The following PKP4 variants were observed in gnomAD, a reference collection of about 807,000 sequenced individuals.
PKP4 encodes the protein plakophilin-4.
A neutral mutation model predicts 145.1 loss-of-function variants in PKP4; 90 were observed. The ratio of observed to expected loss-of-function variants is 0.62; its 90% CI spans 0.52 to 0.74. The LOEUF (loss-of-function observed/expected upper bound fraction) is 0.74. PKP4 is among the 30% of genes least tolerant of loss of function. The pLI is 0.00. For synonymous variants in PKP4, 563 were observed against 577.2 expected, an observed-to-expected ratio of 0.98 and a Z score of 0.35; for missense variants, 1,340 against 1,482.7, an observed-to-expected ratio of 0.90 and a Z score of 1.58.
chr2:158,627,700 G>A (rs1393386291), intron 7 of PKP4, among the ~76,000 whole-genome samples: 9 of 150,316 alleles, frequency 6.0e-5, no homozygotes, highest in South Asian at 2.1e-4. Flanking sequence ...ATCATGGCAT[G>A]TAAAGAAAAC....
chr2:158,585,253 A>T (rs2048705520), intron 3 of PKP4, among the ~76,000 whole-genome samples: 2 of 152,272 alleles, frequency 1.3e-5, no homozygotes, highest in South Asian at 4.1e-4. Flanking sequence ...TCTTCCCAAG[A>T]TTATCTCCCC....
At chr2:158,639,036 C>T (rs1201349312) in intron 9 of PKP4, among the ~76,000 whole-genome samples, 1 of 152,196 alleles carries the variant, frequency 6.6e-6, no homozygotes, top group East Asian at 1.9e-4. Context: ...TTTCACTAAC[C>T]TCTATCACTA....
chr2:158,677,044 G>A (rs1435963531), intron 20 of PKP4, 177 bp downstream of exon 20: 2 of 732,774 alleles, frequency 2.7e-6, no homozygotes, highest in African/African-American at 1.7e-5. Flanking sequence ...CTTGTTTAAA[G>A]TAAAACAAGC....
intron 1 of PKP4, among the ~76,000 whole-genome samples, chr2:158,515,311 T>G (rs1197569446): frequency 1.3e-5 from 2 of 152,158 alleles, no homozygotes; most frequent in African/African-American, 4.8e-5. Context: ...TTCATTTACT[T>G]TCAAACTAAG....
intron 11 of PKP4, among the ~76,000 whole-genome samples, chr2:158,648,860 G>A (rs538455682): frequency 6.6e-6 from 1 of 150,896 alleles, no homozygotes; most frequent in Non-Finnish European, 1.5e-5. Context: ...TTAGCCAGGT[G>A]TGGTGGCACA....
chr2:158,586,996 T>A (rs1195035250), intron 3 of PKP4, among the ~76,000 whole-genome samples: 2 of 152,312 alleles, frequency 1.3e-5, no homozygotes, highest in South Asian at 2.1e-4. Flanking sequence ...ATATCTTTTA[T>A]GAGTAATAGA....
chr2:158,668,617 A>C (rs1424997047), intron 16 of PKP4, among the ~76,000 whole-genome samples: 1 of 152,222 alleles, frequency 6.6e-6, no homozygotes, highest in African/African-American at 2.4e-5. Flanking sequence ...CCTTTTGGTC[A>C]TTCATGAGTA....
In PKP4 at chr2:158,615,011, CA is replaced by C. The variant is rs573282430; in HGVS notation, c.281-5967del. ...TGTGGCTTTATCTTAGTATATTTTA[CA>C]AAAAAAAAAAATAACTAGTGGAAAA... On this transcript the variant is annotated intron_variant, in intron 4 of 21. Transcript: ENST00000389759. Among the ~76,000 whole-genome samples, 1,015 of 128,234 alleles carry C rather than the reference CA, an allele frequency of 7.9e-3. 1 individual carries two copies. Among genetic ancestry groups the C allele is most frequent in the Middle Eastern group, 0.022 (5 of 226 alleles). The allele number at this position is 128,234 out of a possible 152,430, so 84.1% of individuals were successfully genotyped here.
intron 1 of PKP4, among the ~76,000 whole-genome samples, chr2:158,517,915 C>CAA (rs554303563): frequency 2.9e-5 from 4 of 136,770 alleles, no homozygotes; most frequent in African/African-American, 1.1e-4. Flanking sequence ...GACCCTGTCT[C>CAA]AAAAAAAAAA....
intron 3 of PKP4, among the ~76,000 whole-genome samples, chr2:158,591,565 G>T (rs2049279963): frequency 6.6e-6 from 1 of 151,940 alleles, no homozygotes; most frequent in Admixed American, 6.6e-5. Context: ...TATTTTAAAT[G>T]TTGCATAACA....
chr2:158,672,322 C>T (rs1157448314), intron 17 of PKP4, among the ~76,000 whole-genome samples: 1 of 152,196 alleles, frequency 6.6e-6, no homozygotes, highest in Non-Finnish European at 1.5e-5. Context: ...AAGAATCTTC[C>T]TTGCTTTTCT....
At chr2:158,491,941 A>T (rs568527711) in intron 1 of PKP4, among the ~76,000 whole-genome samples, 4 of 152,142 alleles carry the variant, frequency 2.6e-5, no homozygotes, top group African/African-American at 9.6e-5. Context: ...GGTGAAGTAG[A>T]TGGAGCACAG....
intron 3 of PKP4, among the ~76,000 whole-genome samples, chr2:158,579,660 A>G (rs2048161948): frequency 6.6e-6 from 1 of 152,108 alleles, no homozygotes; most frequent in South Asian, 2.1e-4. Flanking sequence ...ATTCCTTAGA[A>G]TGGAAATGGA....
intron 11 of PKP4, among the ~76,000 whole-genome samples, chr2:158,647,476 A>C (rs959266422): frequency 1.3e-5 from 2 of 152,168 alleles, no homozygotes; most frequent in Non-Finnish European, 2.9e-5. Flanking sequence ...TAAGTGGAGA[A>C]ATTTTAGCTG....
intron 7 of PKP4, among the ~76,000 whole-genome samples, chr2:158,628,142 G>A (rs13417700): frequency 0.016 from 2,370 of 151,710 alleles, 64 homozygotes; most frequent in African/African-American, 0.053. Context: ...CACCATGCAC[G>A]GCTAATTTTT....
intron 4 of PKP4, among the ~76,000 whole-genome samples, chr2:158,604,700 G>A (rs1027464537): frequency 1.1e-4 from 16 of 152,160 alleles, no homozygotes; most frequent in Non-Finnish European, 2.2e-4. Context: ...CACAGTGTGA[G>A]ATGTGTTGGA....
At chr2:158,676,220 A>G (rs2057997261) in intron 19 of PKP4, among the ~76,000 whole-genome samples, 2 of 152,208 alleles carry the variant, frequency 1.3e-5, no homozygotes, top group South Asian at 4.1e-4. Flanking sequence ...TTTTATTCAA[A>G]CATGTTTAGA....
chr2:158,561,203 C>G (rs974660700), intron 2 of PKP4, among the ~76,000 whole-genome samples: 18 of 152,154 alleles, frequency 1.2e-4, no homozygotes, highest in Non-Finnish European at 1.8e-4. Context: ...TTTGCACTCC[C>G]AGGTCAAAGG....
chr2:158,646,401 C>T, intron 11 of PKP4, among the ~76,000 whole-genome samples: 1 of 152,150 alleles, frequency 6.6e-6, no homozygotes, highest in Middle Eastern at 3.2e-3. Flanking sequence ...GTTCAAAAAG[C>T]CAAATGGCAG....
Sources: allele counts gnomAD v4.1 joint callset (sites outside exome capture counted in the v4.1 genomes callset), GRCh38; gene constraint gnomAD v4.1.1; transcripts MANE v1.5; gene names NCBI Gene and HGNC (gene_info 2026-07-23, HGNC 2026-07-21).